The following PKHD1 variants were observed in gnomAD, a reference collection of about 807,000 sequenced individuals.
PKHD1 encodes the protein fibrocystin.
In PKHD1, 291 loss-of-function variants were observed where a neutral mutation model predicts 412.0. The ratio of observed to expected loss-of-function variants is 0.71; its 90% confidence interval spans 0.64 to 0.78. The LOEUF (loss-of-function observed/expected upper bound fraction) is 0.78. Among genes scored for constraint, PKHD1 ranks in the 30% least tolerant of loss-of-function variants. The pLI is 0.00. For missense variants in PKHD1, 4,825 were observed against 4,950.7 expected (o/e 0.97, Z 0.76); for synonymous variants, 1,777 against 1,821.5 (o/e 0.98, Z 0.62).
intron 60 of PKHD1, among the ~76,000 whole-genome samples, chr6:51,715,424 C>T (rs1363544709): frequency 1.3e-5 from 2 of 152,032 alleles, no homozygotes; most frequent in African/African-American, 4.8e-5. Flanking sequence ...CTGTCAAAGG[C>T]CACCGCAATT....
chr6:51,685,674 G>A (rs527705851), intron 60 of PKHD1, among the ~76,000 whole-genome samples: 20 of 152,188 alleles, frequency 1.3e-4, no homozygotes, highest in African/African-American at 3.9e-4. Context: ...CCCCTTGCCA[G>A]TTGCTCCCTG....
intron 45 of PKHD1, among the ~76,000 whole-genome samples, chr6:51,885,660 A>G (rs1778088808): frequency 6.6e-6 from 1 of 152,194 alleles, no homozygotes; most frequent in Non-Finnish European, 1.5e-5. Flanking sequence ...CTAACCCTGG[A>G]TTAGTGACTA....
At chr6:51,887,784 T>C (rs1290019987) in intron 43 of PKHD1, among the ~76,000 whole-genome samples, 1 of 152,214 alleles carries the variant, frequency 6.6e-6, no homozygotes, top group Non-Finnish European at 1.5e-5. Context: ...CAATTAAACC[T>C]CTTTTCTTTA....
At chr6:51,709,194 A>G (rs954586452) in intron 60 of PKHD1, among the ~76,000 whole-genome samples, 1 of 152,196 alleles carries the variant, frequency 6.6e-6, no homozygotes, top group African/African-American at 2.4e-5. Flanking sequence ...GTCAAGCACC[A>G]TGTTCACCTT....
intron 65 of PKHD1, 113 bp from the exon 66 acceptor site, chr6:51,627,229 A>G (rs986229808): frequency 7.4e-6 from 7 of 942,658 alleles, no homozygotes; most frequent in Non-Finnish European, 1.2e-5. Context: ...TACACATGCA[A>G]CAGAAAGCAT....
In PKHD1 at chr6:52,025,342, C is replaced by T. The variant is rs1801991177; in HGVS notation, c.4468G>A (p.Ala1490Thr). ...IREEASPVMD[A>T]LSTNTSGSLT... ...GACCCACTGGTGTTTGTGGACAAGG[C>T]ATCCATGACAGGACTTGCCTCTTCC... Residue 1490 changes from alanine to threonine, a missense_variant, in exon 32 of 67, where the codon GCC (alanine) becomes ACC (threonine). By Grantham distance (58) the Ala-to-Thr change is moderately conservative. Transcript: ENST00000371117. 6.2e-7 allele frequency: 1 copy of T among 1,614,060 alleles called. No individual in the cohort carries two copies. Among genetic ancestry groups the T allele is most frequent in the African/African-American group, 1.3e-5 (1 of 75,054 alleles).
chr6:52,006,170 AATTATATATATATATATATTTTAGAC>A (rs1156468109), intron 35 of PKHD1, among the ~76,000 whole-genome samples: 1 of 151,540 alleles, frequency 6.6e-6, no homozygotes, highest in Non-Finnish European at 1.5e-5. Context: ...GTCACTAAAA[AATTATATATATATATATATTTTAGAC>A]GGAGTTTTGC....
At chr6:51,770,221 T>C (rs1789840770) in intron 55 of PKHD1, among the ~76,000 whole-genome samples, 1 of 151,824 alleles carries the variant, frequency 6.6e-6, no homozygotes, top group South Asian at 2.1e-4. Flanking sequence ...TTCCTAGAGA[T>C]TTGCTTTATA....
intron 55 of PKHD1, among the ~76,000 whole-genome samples, chr6:51,759,286 C>T (rs967126197): frequency 1.6e-4 from 24 of 151,994 alleles, no homozygotes; most frequent in African/African-American, 5.3e-4. Flanking sequence ...CCAGGAAATC[C>T]CTCACACCTC....
At chr6:51,800,436 C>T (rs938627406) in intron 52 of PKHD1, among the ~76,000 whole-genome samples, 1 of 152,156 alleles carries the variant, frequency 6.6e-6, no homozygotes, top group Non-Finnish European at 1.5e-5. Flanking sequence ...ATTAACTAGC[C>T]TCAAGACCAG....
intron 60 of PKHD1, among the ~76,000 whole-genome samples, chr6:51,709,291 G>T (rs969922770): frequency 1.3e-5 from 2 of 152,128 alleles, no homozygotes; most frequent in African/African-American, 4.8e-5. Flanking sequence ...GAAAACAAAT[G>T]ACAGCTTCCA....
At chr6:51,893,079 G>A (rs72913640) in intron 43 of PKHD1, among the ~76,000 whole-genome samples, 10,559 of 152,204 alleles carry the variant, frequency 0.069, 504 homozygotes, top group Non-Finnish European at 0.11. Context: ...GGCCAGAGAA[G>A]GGGGCTTCTT....
intron 60 of PKHD1, among the ~76,000 whole-genome samples, chr6:51,737,404 A>T (rs984760620): frequency 1.3e-5 from 2 of 152,242 alleles, no homozygotes; most frequent in Non-Finnish European, 2.9e-5. Flanking sequence ...AGGAAAAATG[A>T]TCCATTTAAA....
chr6:52,040,822 T>C (rs1296430803), intron 27 of PKHD1, among the ~76,000 whole-genome samples: 1 of 152,156 alleles, frequency 6.6e-6, no homozygotes, highest in African/African-American at 2.4e-5. Flanking sequence ...ACTCCATCCC[T>C]CTTCATCCCC....
intron 65 of PKHD1, among the ~76,000 whole-genome samples, chr6:51,628,051 G>A (rs56319745): frequency 0.017 from 2,655 of 152,194 alleles, 38 homozygotes; most frequent in Non-Finnish European, 0.027. Context: ...ATAGTTATGG[G>A]TAGGAAATAG....
chr6:51,953,779 A>G (rs1790725908), intron 36 of PKHD1, among the ~76,000 whole-genome samples: 1 of 152,094 alleles, frequency 6.6e-6, no homozygotes, highest in Non-Finnish European at 1.5e-5. Context: ...GGACTTAAAA[A>G]GATCTGAATG....
At chr6:51,665,663 T>G (rs903695482) in intron 60 of PKHD1, among the ~76,000 whole-genome samples, 42 of 152,156 alleles carry the variant, frequency 2.8e-4, no homozygotes, top group Admixed American at 2.8e-3. Context: ...AAGCAGCTAA[T>G]GCATAGATGT....
intron 43 of PKHD1, among the ~76,000 whole-genome samples, chr6:51,892,222 G>A (rs1779227042): frequency 6.6e-6 from 1 of 152,018 alleles, no homozygotes; most frequent in Non-Finnish European, 1.5e-5. Context: ...CCTACCACAG[G>A]GTGCTCACCA....
intron 52 of PKHD1, among the ~76,000 whole-genome samples, chr6:51,811,640 C>T (rs978041279): frequency 3.3e-5 from 5 of 152,044 alleles, no homozygotes; most frequent in South Asian, 4.2e-4. Flanking sequence ...CTCAGTTTCC[C>T]GGCTACCTGA....
Sources: allele counts gnomAD v4.1 joint callset (sites outside exome capture counted in the v4.1 genomes callset), GRCh38; gene constraint gnomAD v4.1.1; transcripts MANE v1.5; gene names NCBI Gene and HGNC (gene_info 2026-07-23, HGNC 2026-07-21).